The following FRMPD3 variants were observed in gnomAD, a reference collection of about 807,000 sequenced individuals.
The protein encoded by FRMPD3 is FERM and PDZ domain-containing protein 3.
FRMPD3 carries 42 observed loss-of-function variants against 97.9 expected under a neutral mutation model. The ratio of observed to expected loss-of-function variants is 0.43; its 90% CI spans 0.34 to 0.55. The LOEUF is 0.55. FRMPD3 is among the 20% of genes least tolerant of loss of function. The pLI, the probability that FRMPD3 is intolerant of heterozygous loss-of-function variation, is 0.03. For missense variants in FRMPD3, 1,303 were observed against 1,457.7 expected (o/e 0.89, Z 1.73); for synonymous variants, 577 against 581.1 (o/e 0.99, Z 0.10).
intron 1 of FRMPD3, among the ~76,000 whole-genome samples, chrX:107,510,784 GAGTTTACC>G (rs1301929813): frequency 1.8e-5 from 2 of 112,251 alleles, no homozygotes; most frequent in Admixed American, 1.9e-4. Context: ...AAGGTGACAT[GAGTTTACC>G]AGGCCTCTGT....
In FRMPD3 at chrX:107,601,117, G is replaced by A; in HGVS notation, c.3078G>A (p.Leu1026=). 1 of 1,210,454 alleles carries A rather than the reference G, an allele frequency of 8.3e-7. No homozygotes were observed. Among genetic ancestry groups the A allele is most frequent in the Non-Finnish European group, 1.1e-6 (1 of 895,230 alleles). The change falls in exon 15 of 15, where the codon CTG becomes CTA. Residue 1026 remains leucine (L), a synonymous_variant. Transcript: ENST00000683843. The stretch of plus-strand genomic sequence containing the variant: ...CCTCATGGAATTCTCAACATCAGCT[G>A]GGTGCAGAGGTCTCTTCCAGCCCCA... The part of the protein sequence containing the change: ...PETSWNSQHQ[L]GAEVSSSPRA...
At chrX:107,575,742 C>T (rs1275891983) in intron 12 of FRMPD3, among the ~76,000 whole-genome samples, 2 of 112,422 alleles carry the variant, frequency 1.8e-5, no homozygotes, top group Admixed American at 9.4e-5. Context: ...TGAGCCACCG[C>T]GCCGGGCCGA....
intron 4 of FRMPD3, among the ~76,000 whole-genome samples, chrX:107,538,904 C>T (rs1921148700): frequency 8.9e-6 from 1 of 112,407 alleles, no homozygotes; most frequent in African/African-American, 3.2e-5. Context: ...AGTAATCTGC[C>T]CGCCTTGGCC....
chrX:107,563,723 T>C (rs1922481219), intron 11 of FRMPD3, among the ~76,000 whole-genome samples: 1 of 112,068 alleles, frequency 8.9e-6, no homozygotes, highest in African/African-American at 3.3e-5. Context: ...AAATAGGTGG[T>C]GGGTGGTATT....
At chrX:107,466,303 C>G (rs1317754606) in intron 1 of FRMPD3, among the ~76,000 whole-genome samples, 2 of 112,538 alleles carry the variant, frequency 1.8e-5, no homozygotes, top group Non-Finnish European at 3.8e-5. Flanking sequence ...AGATGAGGAC[C>G]AGACAGGGAA....
chrX:107,514,588 C>T (rs977843137), intron 1 of FRMPD3, among the ~76,000 whole-genome samples: 6 of 104,279 alleles, frequency 5.8e-5, no homozygotes, highest in Non-Finnish European at 1.2e-4. Context: ...TGCAGTGGTG[C>T]GATCTCGGCT....
At chrX:107,490,815 C>T (rs962446756) in intron 1 of FRMPD3, among the ~76,000 whole-genome samples, 4 of 111,892 alleles carry the variant, frequency 3.6e-5, no homozygotes, top group African/African-American at 1.3e-4. Context: ...TTTCATGGGC[C>T]TGTCCATGAT....
At chrX:107,483,124 T>C (rs149714034) in intron 1 of FRMPD3, among the ~76,000 whole-genome samples, 2 of 111,639 alleles carry the variant, frequency 1.8e-5, no homozygotes, top group African/African-American at 6.5e-5. Context: ...TTGCTGCAGA[T>C]AGGGCTACCA....
intron 4 of FRMPD3, among the ~76,000 whole-genome samples, chrX:107,543,413 CA>C (rs1171594586): frequency 9.0e-6 from 1 of 111,205 alleles, no homozygotes; most frequent in Non-Finnish European, 1.9e-5. Context: ...AGTTTCTGCC[CA>C]GAAGCCTTTC....
intron 5 of FRMPD3, among the ~76,000 whole-genome samples, chrX:107,548,110 A>G (rs1417873322): frequency 8.9e-6 from 1 of 112,050 alleles, no homozygotes; most frequent in African/African-American, 3.2e-5. Context: ...ATGATCCATG[A>G]CAGTCTCTAG....
chrX:107,597,799 T>C lies in FRMPD3; in HGVS notation c.1920T>C (p.Asp640=). Residue 640 remains aspartate, a synonymous_variant, in exon 14 of 15, where the codon GAT becomes GAC. Transcript: ENST00000683843. ...GCTCCTCTCGTGACAATATAGTAGA[T>C]TTGATGTCCCTCCCACCACCTGGGA... ...KPGSSRDNIV[D]LMSLPPPGSE... The C allele has an allele frequency of 6.8e-6, 8 of 1,181,356 alleles. No homozygotes were observed. Among genetic ancestry groups the C allele is most frequent in the Non-Finnish European group, 9.1e-6 (8 of 880,927 alleles).
intron 13 of FRMPD3, among the ~76,000 whole-genome samples, chrX:107,581,926 C>T (rs1923408686): frequency 9.0e-6 from 1 of 110,634 alleles, no homozygotes; most frequent in Non-Finnish European, 1.9e-5. Flanking sequence ...TGTTTTTTTC[C>T]CACCTTTTGA....
In FRMPD3 at chrX:107,514,673, G is replaced by A. The variant is rs745795033; in HGVS notation, c.-7-11909G>A. ...CCCGAGTAGCTGGGATTACAGGTGC[G>A]TGCCACCACGCTCAGCTAATTTTTG... is the stretch of plus-strand genomic sequence containing the variant. On this transcript the variant is annotated intron_variant, in intron 1 of 14. Coordinates refer to ENST00000683843, the MANE Select transcript of FRMPD3 (RefSeq NM_001388459.1). Among the ~76,000 whole-genome samples, 502 of 109,419 alleles carry A rather than the reference G, an allele frequency of 4.6e-3. 3 individuals carry two copies. The highest frequency in any genetic ancestry group is 5.2e-3 in the Non-Finnish European group (272 of 52,545).
rs374047113 is a variant in FRMPD3, at chrX:107,572,908, C to CTAATAATAA, written c.1297-3394_1297-3386dup. ...ACTACTACTACTACTACTACTACTACTAATAATAATAATAATAATAAAGTA... is the reference window on the plus strand; with the variant it reads ...ACTACTACTACTACTACTACTACTACTAATAATAATAATAATAATAATAATAATAAAGTA... On this transcript the variant is annotated intron_variant, in intron 12 of 14. Transcript: ENST00000683843. Among the ~76,000 whole-genome samples the CTAATAATAA allele has an allele frequency of 1.3e-3, 132 of 101,003 alleles. 1 individual carries two copies. Among genetic ancestry groups the CTAATAATAA allele is most frequent in the African/African-American group, 4.0e-3 (107 of 26,771 alleles). 87.7% of individuals were successfully genotyped at this position (101,003 alleles called of 115,157 possible). A position where few individuals can be genotyped will look rare whatever the true frequency, so the allele number is the denominator to read the frequency against.
chrX:107,557,664 CGT>C (rs760760257), intron 8 of FRMPD3, among the ~76,000 whole-genome samples: 9,464 of 87,003 alleles, frequency 0.11, 1,358 homozygotes, highest in African/African-American at 0.39. Context: ...ATCAAAGTTT[CGT>C]GTGTGTGTGT....
Position 107,597,479 on chromosome X carries a change from C to T in FRMPD3, c.1600C>T (p.Arg534Trp), listed in dbSNP as rs759367486. The T allele has an allele frequency of 5.8e-6, 7 of 1,209,059 alleles. No individual in the cohort carries two copies. In the East Asian group the frequency reaches 8.9e-5, roughly 15 times the overall value. ...TGTCAGCTTCTGCTACCTCCATATG[C>T]GGGAACAAAGGAAGGAGCAGGAAAG... ...ELVSFCYLHM[R>W]EQRKEQESRT... The change falls in exon 14 of 15, where the codon CGG becomes TGG. Residue 534 changes from arginine (R) to tryptophan (W), a missense_variant. Arg to Trp is a moderately radical substitution (Grantham distance 101). Around this residue, in one of 3 missense-constraint regions of FRMPD3, gnomAD observed 535 missense variants for 618.6 expected, o/e 0.86. Coordinates refer to ENST00000683843, the MANE Select transcript of FRMPD3 (RefSeq NM_001388459.1).
intron 1 of FRMPD3, among the ~76,000 whole-genome samples, chrX:107,489,904 T>C (rs1376190103): frequency 1.8e-5 from 2 of 112,017 alleles, no homozygotes; most frequent in Non-Finnish European, 3.8e-5. Flanking sequence ...AGACATGAAG[T>C]CCTTGCCCAT....
At chrX:107,578,892 G>A (rs1035951355) in intron 13 of FRMPD3, among the ~76,000 whole-genome samples, 8 of 111,390 alleles carry the variant, frequency 7.2e-5, no homozygotes, top group Admixed American at 4.8e-4. Flanking sequence ...AGGACTTGGT[G>A]TGCACATTTT....
Position 107,598,860 on chromosome X carries a change from C to T in FRMPD3, c.2263+718C>T, listed in dbSNP as rs147052541. On this transcript the variant is annotated intron_variant, in intron 14 of 14. Coordinates refer to ENST00000683843, the MANE Select transcript of FRMPD3 (RefSeq NM_001388459.1). Reference sequence around the variant, plus strand: ...ACTAAGTATTAGTTCACAGGAAAACCGTACAACATGCATGCTGTTCCCTGT... The same window carrying T: ...ACTAAGTATTAGTTCACAGGAAAACTGTACAACATGCATGCTGTTCCCTGT... Among the ~76,000 whole-genome samples, 16 of 112,339 alleles carry T rather than the reference C, an allele frequency of 1.4e-4. 1 individual carries two copies. The highest frequency in any genetic ancestry group is 4.6e-3 in the Middle Eastern group (1 of 217).
Sources: allele counts gnomAD v4.1 joint callset (sites outside exome capture counted in the v4.1 genomes callset), GRCh38; gene constraint gnomAD v4.1.1; regional missense constraint gnomAD v4.1.1; transcripts MANE v1.5; gene names NCBI Gene and HGNC (gene_info 2026-07-23, HGNC 2026-07-21).